The following TRERF1 variants were observed in gnomAD, a reference collection of about 807,000 sequenced individuals.
TRERF1 encodes transcriptional regulating factor 1.
In TRERF1, 27 loss-of-function variants were observed where a neutral mutation model predicts 122.9. The observed-to-expected ratio is 0.22, with a 90% CI of 0.16 to 0.30. TRERF1 has a LOEUF of 0.30. Among genes scored for constraint, TRERF1 ranks in the 10% least tolerant of loss-of-function variants. TRERF1 has a pLI of 1.00. For missense variants in TRERF1, 1,248 were observed against 1,560.3 expected (o/e 0.80, Z 3.37); for synonymous variants, 636 against 641.7 (o/e 0.99, Z 0.13).
chr6:42,269,715 T>C lies in TRERF1; in HGVS notation c.-125A>G, dbSNP rs1320382543. ...TGTCAGCACTACTCCACGGCTGACA[T>C]GTCTGTGAACGTGGCTGGAGCCAGG... On this transcript the variant is annotated 5_prime_UTR_variant, in exon 5 of 18. The change abolishes an upstream ATG in the 5' untranslated region. Coordinates refer to ENST00000372922, the Ensembl canonical transcript of TRERF1. The surrounding 1 kb of genome is among the most constrained non-coding windows in gnomAD (Gnocchi z 4.9). 6 of 1,455,342 alleles carry C rather than the reference T, an allele frequency of 4.1e-6. No homozygotes were observed. The highest frequency in any genetic ancestry group is 2.8e-5 in the African/African-American group (2 of 70,338). The allele number at this position is 1,455,342 out of a possible 1,614,324, so 90.2% of individuals were successfully genotyped here. A position where few individuals can be genotyped will look rare whatever the true frequency, so the allele number is the denominator to read the frequency against.
chr6:42,342,806 T>C (rs1354994068), intron 3 of TRERF1, among the ~76,000 whole-genome samples: 1 of 152,250 alleles, frequency 6.6e-6, no homozygotes, highest in Non-Finnish European at 1.5e-5. Context: ...GTCTCTTTTT[T>C]GGAAACCACA....
intron 10 of TRERF1, among the ~76,000 whole-genome samples, chr6:42,257,658 C>CT (rs1165159598): frequency 1.3e-5 from 2 of 152,256 alleles, no homozygotes; most frequent in East Asian, 1.9e-4. Flanking sequence ...ACTCACCACT[C>CT]TACCACCTGG....
chr6:42,403,603 C>T (rs1019075857), intron 2 of TRERF1, among the ~76,000 whole-genome samples: 1 of 152,146 alleles, frequency 6.6e-6, no homozygotes, highest in African/African-American at 2.4e-5. Flanking sequence ...CAAGAGCAGA[C>T]ATTTCTGTTG....
At chr6:42,422,040 G>A (rs1224481676) in intron 2 of TRERF1, among the ~76,000 whole-genome samples, 1 of 151,128 alleles carries the variant, frequency 6.6e-6, no homozygotes, top group Admixed American at 6.6e-5. Context: ...GCGTGGTGGC[G>A]TGCACCTGTA....
chr6:42,315,678 C>G (rs1762351420), intron 3 of TRERF1, among the ~76,000 whole-genome samples: 1 of 151,172 alleles, frequency 6.6e-6, no homozygotes, highest in African/African-American at 2.4e-5. Flanking sequence ...GGTGGGGCCC[C>G]TGGGTCAGGG....
intron 3 of TRERF1, among the ~76,000 whole-genome samples, chr6:42,349,777 T>G (rs1769043448): frequency 6.6e-6 from 1 of 152,148 alleles, no homozygotes; most frequent in South Asian, 2.1e-4. Flanking sequence ...CTCCAGATGT[T>G]TACCTATTCT....
chr6:42,331,349 G>A (rs998550645), intron 3 of TRERF1, among the ~76,000 whole-genome samples: 19 of 152,174 alleles, frequency 1.2e-4, no homozygotes, highest in African/African-American at 4.6e-4. Context: ...GAAGCCAGGG[G>A]AGTGCAGGGT....
chr6:42,363,252 G>A (rs963084359), intron 2 of TRERF1, among the ~76,000 whole-genome samples, 173 bp from the exon 3 acceptor site: 7 of 152,304 alleles, frequency 4.6e-5, no homozygotes, highest in Middle Eastern at 3.4e-3. Flanking sequence ...GGAAGGTCCC[G>A]GGGGAGAAGA....
intron 14 of TRERF1, among the ~76,000 whole-genome samples, chr6:42,245,849 G>A (rs1448823408): frequency 6.6e-6 from 1 of 152,166 alleles, no homozygotes; most frequent in African/African-American, 2.4e-5. Context: ...GGCTCACGCC[G>A]GTAATCCCAG....
At chr6:42,426,790 C>A (rs1562190167) in intron 2 of TRERF1, among the ~76,000 whole-genome samples, 4 of 152,114 alleles carry the variant, frequency 2.6e-5, no homozygotes, top group Non-Finnish European at 4.4e-5. Flanking sequence ...AGATACGGCC[C>A]ACAAAGTAAA....
intron 2 of TRERF1, among the ~76,000 whole-genome samples, chr6:42,401,149 A>T (rs892465386): frequency 6.6e-6 from 1 of 152,186 alleles, no homozygotes; most frequent in African/African-American, 2.4e-5. Context: ...CAGGTATTCT[A>T]TGGGGGCCAG....
At chr6:42,408,212 T>TAA (rs1321530547) in intron 2 of TRERF1, among the ~76,000 whole-genome samples, 5 of 122,310 alleles carry the variant, frequency 4.1e-5, no homozygotes, top group Admixed American at 8.0e-5. Context: ...TATAAATAAA[T>TAA]ATATATATAT....
chr6:42,267,027 T>C (rs1347626799), intron 5 of TRERF1, among the ~76,000 whole-genome samples: 1 of 152,172 alleles, frequency 6.6e-6, no homozygotes, highest in African/African-American at 2.4e-5. Context: ...TCACAATGCA[T>C]ACTACCATAT....
At chr6:42,434,324 C>T (rs1016078609) in intron 2 of TRERF1, among the ~76,000 whole-genome samples, 1 of 151,828 alleles carries the variant, frequency 6.6e-6, no homozygotes, top group South Asian at 2.1e-4. Flanking sequence ...GCACTCCAAA[C>T]TCCACAGGGG....
At chr6:42,329,237 G>A (rs1480340212) in intron 3 of TRERF1, among the ~76,000 whole-genome samples, 8 of 152,076 alleles carry the variant, frequency 5.3e-5, no homozygotes, top group African/African-American at 1.9e-4. Flanking sequence ...CACCAGCTTG[G>A]TTCCCATGGT....
chr6:42,416,125 A>G (rs1781800481), intron 2 of TRERF1, among the ~76,000 whole-genome samples: 1 of 151,612 alleles, frequency 6.6e-6, no homozygotes, highest in Admixed American at 6.6e-5. Context: ...TTTATGGGGG[A>G]GTACTACTGA....
At chr6:42,361,909 G>A (rs1461669517) in intron 3 of TRERF1, among the ~76,000 whole-genome samples, 3 of 152,196 alleles carry the variant, frequency 2.0e-5, no homozygotes, top group Non-Finnish European at 1.5e-5. Context: ...GATCCAAGGG[G>A]TTCAATAAGG....
rs1781237945 is a variant in TRERF1, at chr6:42,276,880, T to C, written c.-258-7032A>G. Reference sequence around the variant, plus strand: ...AGCATCAGTTGCTCCCTCCAAGCCCTGGGGATCAGTAGGAAGCCCGACGCA... The same window carrying C: ...AGCATCAGTTGCTCCCTCCAAGCCCCGGGGATCAGTAGGAAGCCCGACGCA... On this transcript the variant is annotated intron_variant, in intron 4 of 17. Transcript: ENST00000372922. This position sits in a 1 kb window ranked among gnomAD's most constrained non-coding sequence, Gnocchi z 4.3. Among the ~76,000 whole-genome samples the C allele has an allele frequency of 6.6e-6, 1 of 152,138 alleles. No homozygotes were observed. The highest frequency in any genetic ancestry group is 2.1e-4 in the South Asian group (1 of 4,832).
intron 2 of TRERF1, among the ~76,000 whole-genome samples, chr6:42,405,595 G>T (rs942957879): frequency 1.3e-5 from 2 of 152,058 alleles, no homozygotes; most frequent in Non-Finnish European, 2.9e-5. Context: ...AGGAGTTCAA[G>T]ACTAGCCTGG....
Sources: allele counts gnomAD v4.1 joint callset (sites outside exome capture counted in the v4.1 genomes callset), GRCh38; gene constraint gnomAD v4.1.1; non-coding constraint Gnocchi (gnomAD v3.1); transcripts MANE v1.5; gene names NCBI Gene and HGNC (gene_info 2026-07-23, HGNC 2026-07-21).